The following KCNN2 variants were observed in gnomAD, a reference collection of about 807,000 sequenced individuals.
The protein encoded by KCNN2 is small conductance calcium-activated potassium channel protein 2.
A neutral mutation model predicts 55.5 loss-of-function variants in KCNN2; 24 were observed. The ratio of observed to expected loss-of-function variants is 0.43; its 90% CI spans 0.31 to 0.61. KCNN2 has a LOEUF of 0.61. Ranked by LOEUF, KCNN2 falls within the 20% of genes least tolerant of loss-of-function variation. KCNN2 has a pLI of 0.08. For missense variants in KCNN2, 754 were observed against 853.6 expected, an observed-to-expected ratio of 0.88 and a Z score of 1.45; for synonymous variants, 431 against 336.1, an observed-to-expected ratio of 1.28 and a Z score of -3.09.
At chr5:114,446,234 T>C (rs1760402274) in intron 3 of KCNN2, among the ~76,000 whole-genome samples, 1 of 152,234 alleles carries the variant, frequency 6.6e-6, no homozygotes, top group Non-Finnish European at 1.5e-5. Flanking sequence ...CATAGAATAC[T>C]GTGTCAAATA....
intron 2 of KCNN2, among the ~76,000 whole-genome samples, chr5:114,236,004 A>G (rs1474225658): frequency 2.0e-5 from 3 of 152,228 alleles, no homozygotes; most frequent in African/African-American, 7.2e-5. Flanking sequence ...AAGGCTGCCT[A>G]CTTTAAACCA....
chr5:114,295,081 T>TA (rs1755978011), intron 2 of KCNN2, among the ~76,000 whole-genome samples: 1 of 152,132 alleles, frequency 6.6e-6, no homozygotes, highest in African/African-American at 2.4e-5. Context: ...CTCAGAGGAG[T>TA]ACCTGGCCGT....
intron 2 of KCNN2, among the ~76,000 whole-genome samples, chr5:114,343,029 G>A (rs896743698): frequency 6.6e-6 from 1 of 152,152 alleles, no homozygotes; most frequent in African/African-American, 2.4e-5. Flanking sequence ...CTCTTATGCT[G>A]TGTTAAGTTC....
At chr5:114,160,552 A>G (rs530226542) in intron 1 of KCNN2, among the ~76,000 whole-genome samples, 1 of 151,972 alleles carries the variant, frequency 6.6e-6, no homozygotes. Context: ...CAATTCCTGG[A>G]TATCCTTTTT....
At chr5:114,385,388 A>G (rs548411217) in intron 2 of KCNN2, among the ~76,000 whole-genome samples, 1 of 152,124 alleles carries the variant, frequency 6.6e-6, no homozygotes, top group Admixed American at 6.5e-5. Flanking sequence ...CGTAGGCATC[A>G]TCAATGCCTA....
intron 1 of KCNN2, among the ~76,000 whole-genome samples, chr5:114,154,729 C>G (rs1360020660): frequency 6.6e-6 from 1 of 152,090 alleles, no homozygotes; most frequent in Non-Finnish European, 1.5e-5. Flanking sequence ...TCTCTACTCT[C>G]TGGCCCTCAT....
chr5:114,085,096 C>T (rs1025923337), intron 1 of KCNN2, among the ~76,000 whole-genome samples: 3 of 151,292 alleles, frequency 2.0e-5, no homozygotes, highest in African/African-American at 4.9e-5. Context: ...TAGCTAGTAC[C>T]GTGCTGTCTT....
exon 1 of KCNN2, chr5:114,056,401 C>T (rs952249603): frequency 7.5e-6 from 3 of 398,572 alleles, no homozygotes; most frequent in Non-Finnish European, 1.3e-5. Flanking sequence ...TGGACTCGAT[C>T]TTCAGCTTTG....
intron 1 of KCNN2, among the ~76,000 whole-genome samples, chr5:114,183,731 T>G (rs1753280021): frequency 6.6e-6 from 1 of 152,066 alleles, no homozygotes; most frequent in African/African-American, 2.4e-5. Context: ...ACTCTCCTTT[T>G]TTTTTTTCTT....
chr5:114,066,057 T>C (rs1220838746), intron 1 of KCNN2, among the ~76,000 whole-genome samples: 1 of 152,102 alleles, frequency 6.6e-6, no homozygotes, highest in Non-Finnish European at 1.5e-5. Flanking sequence ...CTATTTAACA[T>C]ATTGGAAGAT....
chr5:114,251,491 T>C (rs998355357), intron 2 of KCNN2, among the ~76,000 whole-genome samples: 1 of 152,242 alleles, frequency 6.6e-6, no homozygotes, highest in Non-Finnish European at 1.5e-5. Flanking sequence ...ATATATAGTA[T>C]GGTCCCTGGC....
At chr5:114,280,976 T>A (rs942450885) in intron 2 of KCNN2, among the ~76,000 whole-genome samples, 1 of 152,102 alleles carries the variant, frequency 6.6e-6, no homozygotes, top group Non-Finnish European at 1.5e-5. Flanking sequence ...CTTTTGCCGT[T>A]ATATTTGATA....
At chr5:114,306,293 T>C (rs1222223279) in intron 2 of KCNN2, among the ~76,000 whole-genome samples, 1 of 152,250 alleles carries the variant, frequency 6.6e-6, no homozygotes, top group African/African-American at 2.4e-5. Flanking sequence ...ACAGCAGCTG[T>C]GACTGGGGCT....
intron 1 of KCNN2, among the ~76,000 whole-genome samples, chr5:114,086,756 T>C (rs747347843): frequency 1.3e-5 from 2 of 152,150 alleles, no homozygotes; most frequent in Non-Finnish European, 2.9e-5. Context: ...AGTGAATGTG[T>C]CTTTTTGATA....
chr5:114,285,336 A>ATTCC (rs1365707420), intron 2 of KCNN2, among the ~76,000 whole-genome samples: 2 of 151,220 alleles, frequency 1.3e-5, no homozygotes, highest in East Asian at 3.9e-4. Flanking sequence ...TATATCGGTA[A>ATTCC]TTCCAAGTAG....
chr5:114,284,176 C>G (rs1177307417), intron 2 of KCNN2, among the ~76,000 whole-genome samples: 1 of 152,144 alleles, frequency 6.6e-6, no homozygotes, highest in African/African-American at 2.4e-5. Context: ...GTTCTATTCT[C>G]TTAGCAAGAA....
chr5:114,165,059 T>C (rs1752880614), intron 1 of KCNN2, among the ~76,000 whole-genome samples: 1 of 152,198 alleles, frequency 6.6e-6, no homozygotes, highest in Admixed American at 6.5e-5. Context: ...GTGTTAAAGG[T>C]CGGATACAAA....
intron 1 of KCNN2, among the ~76,000 whole-genome samples, chr5:114,102,946 T>A (rs1171462071): frequency 2.0e-5 from 3 of 152,206 alleles, no homozygotes; most frequent in Admixed American, 6.5e-5. Flanking sequence ...ATAGGAAATT[T>A]AAAGTAGTTT....
Position 114,362,956 on chromosome 5 carries a change from T to C in KCNN2, c.817T>C (p.Ser273Pro). ...AAAAAAAAVS[S>P]SAPEIVVSKP... ...CGCTGCCGCCGCCGCCGCTGTTTCG[T>C]CCTCAGCCCCCGAGATCGTGGTGTC... The change falls in exon 1 of 8, where the codon TCC becomes CCC. Residue 273 changes from serine to proline, a missense_variant. Ser to Pro is a moderately conservative substitution (Grantham distance 74, BLOSUM62 -1). Around this residue, in one of 4 missense-constraint regions of KCNN2, gnomAD observed 381 missense variants for 259.1 expected, o/e 1.47. Transcript: ENST00000673685. 1 of 1,588,450 alleles carries C rather than the reference T, an allele frequency of 6.3e-7. No individual in the cohort carries two copies. The highest frequency in any genetic ancestry group is 8.5e-7 in the Non-Finnish European group (1 of 1,174,276).
Sources: gnomAD v4.1 joint callset for allele counts (sites outside exome capture counted in the v4.1 genomes callset) on GRCh38, gnomAD v4.1.1 for gene constraint, gnomAD v4.1.1 regional missense constraint, MANE v1.5 for transcripts, NCBI Gene and HGNC (gene_info 2026-07-23, HGNC 2026-07-21) for gene names.